TRAF2: variants seen among roughly 807,000 people sequenced by gnomAD.
TRAF2 encodes the protein TNF receptor associated factor 2, also known as TNF receptor-associated factor 2.
In TRAF2, 6 loss-of-function variants were observed where a neutral mutation model predicts 55.6. The ratio of observed to expected loss-of-function variants is 0.11; its 90% confidence interval spans 0.06 to 0.21. The LOEUF (loss-of-function observed/expected upper bound fraction) is 0.21. TRAF2 is among the 10% of genes least tolerant of loss of function. The pLI is 1.00. For missense variants in TRAF2, 561 were observed against 684.5 expected, an observed-to-expected ratio of 0.82 and a Z score of 2.01; for synonymous variants, 329 against 276.3, an observed-to-expected ratio of 1.19 and a Z score of -1.89.
At chr9:136,899,006 C>G in intron 2 of TRAF2, 78 bp downstream of exon 2, 1 of 1,444,264 alleles carries the variant, frequency 6.9e-7, no homozygotes, top group Non-Finnish European at 9.3e-7. Context: ...AGCCTGGTAG[C>G]TCCCAGCAGA....
chr9:136,910,197 C>T (rs1588435195), intron 6 of TRAF2: 2 of 613,404 alleles, frequency 3.3e-6, no homozygotes, highest in African/African-American at 3.7e-5. Context: ...GGCTGAGTCC[C>T]GAGCCCTCTT....
In TRAF2 at chr9:136,906,500, C is replaced by A. The variant is rs1445677591; in HGVS notation, c.367-1570C>A. Among the ~76,000 whole-genome samples the A allele has an allele frequency of 2.6e-5, 4 of 152,132 alleles. No homozygotes were observed. In the Middle Eastern group the frequency reaches 0.014, roughly 517 times the overall value. On this transcript the variant is annotated intron_variant, in intron 4 of 10. Coordinates refer to ENST00000247668, the MANE Select transcript of TRAF2 (RefSeq NM_021138.4). ...GAGACTTACTATCACGAGAGCAGCA[C>A]GGGAAAAACCCACCCCATGATTCAA...
chr9:136,886,218 C>T (rs1564401177), upstream of TRAF2: 2 of 182,478 alleles, frequency 1.1e-5, no homozygotes, highest in East Asian at 1.9e-4. Context: ...CGCAGCACCT[C>T]ACCAGCTCCC....
intron 7 of TRAF2, among the ~76,000 whole-genome samples, chr9:136,919,585 A>G (rs964068967): frequency 2.6e-5 from 4 of 152,148 alleles, no homozygotes; most frequent in East Asian, 1.9e-4. Flanking sequence ...GGGAGCCACC[A>G]TGCCCAGTCA....
intron 1 of TRAF2, among the ~76,000 whole-genome samples, chr9:136,894,900 C>T (rs1231176396): frequency 6.6e-6 from 1 of 152,138 alleles, no homozygotes; most frequent in Non-Finnish European, 1.5e-5. Context: ...ATCGCTTGAG[C>T]CCAGGACTTC....
At chr9:136,900,819 T>C (rs1389120695) in intron 4 of TRAF2, 1 of 358,116 alleles carries the variant, frequency 2.8e-6, no homozygotes, top group Non-Finnish European at 5.3e-6. Context: ...CCCACCATCG[T>C]GGGGTGGCTG....
chr9:136,882,381 T>A (rs968053632), upstream of TRAF2, among the ~76,000 whole-genome samples: 1 of 152,224 alleles, frequency 6.6e-6, no homozygotes, highest in Non-Finnish European at 1.5e-5. Flanking sequence ...GGGTCCTCCC[T>A]GGCCAGGCCA....
chr9:136,924,829 C>G (rs1474997812), intron 10 of TRAF2, among the ~76,000 whole-genome samples: 3 of 151,986 alleles, frequency 2.0e-5, no homozygotes, highest in Non-Finnish European at 4.4e-5. Flanking sequence ...AACCTCCCCT[C>G]CTGGGTTCAA....
At chr9:136,887,350 C>A (rs1040144160) in intron 1 of TRAF2, among the ~76,000 whole-genome samples, 1 of 152,192 alleles carries the variant, frequency 6.6e-6, no homozygotes, top group African/African-American at 2.4e-5. Context: ...GAAGGAGTCA[C>A]AGCGCCCATG....
In TRAF2 at chr9:136,916,522, T is replaced by C. The variant is rs1319624316; in HGVS notation, c.604-19T>C. 3 of 1,613,400 alleles carry C rather than the reference T, an allele frequency of 1.9e-6. No homozygotes were observed. The highest frequency in any genetic ancestry group is 2.7e-5 in the African/African-American group (2 of 74,916). On this transcript the variant is annotated intron_variant, in intron 6 of 10. Transcript: ENST00000247668. ...ATCAGAACAGAGAAAGATGGCTCTG[T>C]GACGTCACTCCCTTGTAGTTTCAGG...
chr9:136,886,476 G>T (rs1849449216), upstream of TRAF2: 2 of 1,004,496 alleles, frequency 2.0e-6, no homozygotes, highest in Non-Finnish European at 2.4e-6. Flanking sequence ...GAGCGGCGGC[G>T]GCGGCGGCGG....
At chr9:136,886,354 T>C, upstream of TRAF2, 1 of 975,020 alleles carries the variant, frequency 1.0e-6, no homozygotes, top group Non-Finnish European at 1.2e-6. Flanking sequence ...GGCTCCGGCG[T>C]CAGTCCGTCA....
chr9:136,890,878 G>A (rs749243635), intron 1 of TRAF2, among the ~76,000 whole-genome samples: 2 of 152,170 alleles, frequency 1.3e-5, no homozygotes, highest in Non-Finnish European at 2.9e-5. Flanking sequence ...ATGGCCACGT[G>A]AGGCCGTGTC....
chr9:136,907,883 A>G (rs907936903), intron 4 of TRAF2, among the ~76,000 whole-genome samples, 187 bp from the exon 5 acceptor site: 1 of 151,624 alleles, frequency 6.6e-6, no homozygotes, highest in Non-Finnish European at 1.5e-5. Context: ...AGACGAGGAC[A>G]CACTGATCTG....
chr9:136,897,892 A>G (rs1588423544), intron 1 of TRAF2, among the ~76,000 whole-genome samples: 1 of 130,916 alleles, frequency 7.6e-6, no homozygotes, highest in African/African-American at 3.0e-5. Context: ...TCGGGGCTGG[A>G]GGGGAACCCG....
chr9:136,892,538 A>C (rs977139818), intron 1 of TRAF2, among the ~76,000 whole-genome samples: 3 of 152,196 alleles, frequency 2.0e-5, no homozygotes, highest in Non-Finnish European at 4.4e-5. Flanking sequence ...CTTTGTCCAA[A>C]GTGGATTAGA....
chr9:136,884,924 G>A (rs1849417504), upstream of TRAF2, among the ~76,000 whole-genome samples: 1 of 152,244 alleles, frequency 6.6e-6, no homozygotes, highest in Admixed American at 6.5e-5. Context: ...GGTGCAGCCA[G>A]GAGGAGACGC....
chr9:136,917,101 A>G (rs1850261116), intron 7 of TRAF2, among the ~76,000 whole-genome samples: 1 of 151,982 alleles, frequency 6.6e-6, no homozygotes, highest in Non-Finnish European at 1.5e-5. Flanking sequence ...CTACCCTCAA[A>G]TGGTCCCCCC....
chr9:136,883,895 C>T (rs1365610893), upstream of TRAF2, among the ~76,000 whole-genome samples: 1 of 150,480 alleles, frequency 6.6e-6, no homozygotes, highest in Non-Finnish European at 1.5e-5. Context: ...AATCTCGGCT[C>T]ACTGCAACCT....
Sources: gnomAD v4.1 joint callset for allele counts (sites outside exome capture counted in the v4.1 genomes callset) on GRCh38, gnomAD v4.1.1 for gene constraint, MANE v1.5 for transcripts, NCBI Gene and HGNC (gene_info 2026-07-23, HGNC 2026-07-21) for gene names.